Variants in ARAP2 observed in about 807,000 individuals in gnomAD.
ARAP2 encodes the protein ArfGAP with RhoGAP domain, ankyrin repeat and PH domain 2, also known as arf-GAP with Rho-GAP domain, ANK repeat and PH domain-containing protein 2.
ARAP2 carries 148 observed loss-of-function variants against 194.5 expected under a neutral mutation model. The observed-to-expected ratio is 0.76, with a 90% CI of 0.67 to 0.87. The LOEUF is 0.87. Among genes scored for constraint, ARAP2 ranks in the 40% least tolerant of loss-of-function variants. The pLI, the probability that ARAP2 is intolerant of heterozygous loss-of-function variation, is 0.00. For synonymous variants in ARAP2, 695 were observed against 683.5 expected (o/e 1.02, Z -0.26); for missense variants, 2,128 against 1,989.7 (o/e 1.07, Z -1.32).
rs539495787 is a variant in ARAP2 at position 36,107,649 on chromosome 4, G to A, written c.4201C>T (p.Arg1401Trp). The A allele has an allele frequency of 1.2e-4, 193 of 1,610,462 alleles. No individual in the cohort carries two copies. Among genetic ancestry groups the A allele is most frequent in the Non-Finnish European group, 1.5e-4 (176 of 1,177,844 alleles). The change falls in exon 27 of 33, where the codon CGG becomes TGG. Residue 1401 changes from arginine (R) to tryptophan (W), a missense_variant. Coordinates refer to ENST00000303965, the MANE Select transcript of ARAP2 (RefSeq NM_015230.4). ...CCAGGTTCAGCTAATGAACTCCACC[G>A]AAGCACCTGCTCCAGTACATTTTCC... ...YKENVLEQVL[R>W]WSSLAEPGSA...
chr4:36,197,153 T>A (rs959808994), intron 6 of ARAP2, among the ~76,000 whole-genome samples: 1 of 152,010 alleles, frequency 6.6e-6, no homozygotes, highest in Admixed American at 6.6e-5. Context: ...ATTGACATAC[T>A]TATGGGGTAA....
intron 29 of ARAP2, 128 bp from the exon 30 acceptor site, chr4:36,082,414 T>C (rs1729792312): frequency 1.1e-5 from 10 of 922,312 alleles, no homozygotes; most frequent in South Asian, 1.7e-5. Context: ...CAAGTGGTGA[T>C]TCAATGTGTT....
intron 25 of ARAP2, among the ~76,000 whole-genome samples, chr4:36,116,133 A>T (rs1432229011): frequency 2.0e-5 from 3 of 151,964 alleles, no homozygotes; most frequent in African/African-American, 7.2e-5. Context: ...CAAATGCCTC[A>T]TAAAGACAAA....
At chr4:36,050,484 G>T (rs1722487127) in intron 3 of ARAP2, among the ~76,000 whole-genome samples, 1 of 152,160 alleles carries the variant, frequency 6.6e-6, no homozygotes, top group Non-Finnish European at 1.5e-5. Flanking sequence ...AGAACAGAAG[G>T]ATTTTCATGT....
intron 5 of ARAP2, among the ~76,000 whole-genome samples, chr4:36,041,314 A>C (rs1720834218): frequency 6.6e-6 from 1 of 152,202 alleles, no homozygotes; most frequent in Non-Finnish European, 1.5e-5. Flanking sequence ...ATCAATAAAA[A>C]GCTTAAACAA....
intron 8 of ARAP2, among the ~76,000 whole-genome samples, chr4:36,183,285 A>T (rs904220214): frequency 1.1e-4 from 5 of 45,848 alleles, no homozygotes; most frequent in East Asian, 1.4e-3. Context: ...TCTTTTTAAA[A>T]TTTTTTTTAA....
At chr4:36,033,859 T>C (rs927025790) in intron 5 of ARAP2, among the ~76,000 whole-genome samples, 1 of 152,188 alleles carries the variant, frequency 6.6e-6, no homozygotes, top group Admixed American at 6.6e-5. Flanking sequence ...TTCAATCTTC[T>C]GCATATGGCT....
intron 19 of ARAP2, among the ~76,000 whole-genome samples, chr4:36,139,324 A>C (rs1318958051): frequency 6.6e-6 from 1 of 151,462 alleles, no homozygotes; most frequent in African/African-American, 2.4e-5. Flanking sequence ...GTTGGTCGTA[A>C]TATTTTCTTA....
At chr4:36,073,566 G>T in intron 32 of ARAP2, 123 bp downstream of exon 32, 1 of 1,129,580 alleles carries the variant, frequency 8.9e-7, no homozygotes, top group Non-Finnish European at 1.2e-6. Context: ...TTATTACCAT[G>T]CTTTACAAAG....
intron 28 of ARAP2, among the ~76,000 whole-genome samples, chr4:36,089,534 A>AT (rs1412493154): frequency 1.3e-5 from 2 of 152,066 alleles, no homozygotes; most frequent in Admixed American, 1.3e-4. Context: ...TGATTGTGTG[A>AT]TTTTACCCTT....
intron 27 of ARAP2, among the ~76,000 whole-genome samples, chr4:36,093,140 T>C (rs1476040107): frequency 6.6e-6 from 1 of 151,788 alleles, no homozygotes; most frequent in African/African-American, 2.4e-5. Flanking sequence ...CACTTATAAG[T>C]AGGAGCTAAA....
intron 10 of ARAP2, among the ~76,000 whole-genome samples, chr4:36,166,145 A>G (rs1735234472): frequency 6.6e-6 from 1 of 152,138 alleles, no homozygotes; most frequent in Non-Finnish European, 1.5e-5. Flanking sequence ...GTATTTTGAC[A>G]TGCAAAATGA....
intron 5 of ARAP2, among the ~76,000 whole-genome samples, chr4:36,032,520 T>C (rs1423871272): frequency 6.6e-6 from 1 of 152,188 alleles, no homozygotes; most frequent in Non-Finnish European, 1.5e-5. Flanking sequence ...CAAGCAAGAA[T>C]AGAAGAGAGT....
intron 5 of ARAP2, among the ~76,000 whole-genome samples, chr4:36,041,953 A>T (rs1332375327): frequency 2.0e-5 from 3 of 152,224 alleles, no homozygotes; most frequent in African/African-American, 7.2e-5. Context: ...GTTCTCACTT[A>T]TAAGTAGGAT....
chr4:36,138,647 A>C (rs886513975), intron 19 of ARAP2, among the ~76,000 whole-genome samples: 1 of 151,698 alleles, frequency 6.6e-6, no homozygotes, highest in Non-Finnish European at 1.5e-5. Flanking sequence ...ACTTTATATC[A>C]TAAATAAAGC....
At chr4:36,155,686 G>A (rs185840196) in intron 15 of ARAP2, among the ~76,000 whole-genome samples, 81 of 148,910 alleles carry the variant, frequency 5.4e-4, no homozygotes, top group African/African-American at 1.9e-3. Context: ...TTTTTAGACC[G>A]AGTCTCGCTG....
At chr4:36,185,140 C>G (rs1373821951) in intron 8 of ARAP2, among the ~76,000 whole-genome samples, 1 of 152,164 alleles carries the variant, frequency 6.6e-6, no homozygotes, top group Admixed American at 6.5e-5. Context: ...GAATGAATGA[C>G]AATGGTTGTT....
chr4:36,228,786 T>C lies in ARAP2; in HGVS notation c.701A>G (p.Asn234Ser), dbSNP rs112151019. The change falls in exon 2 of 33, where the codon AAT becomes AGT. Residue 234 changes from asparagine to serine, a missense_variant. Asn to Ser is a conservative substitution (Grantham distance 46). Coordinates refer to ENST00000303965, the MANE Select transcript of ARAP2 (RefSeq NM_015230.4). ...TSGTNSGNGTNGLLEGSPPSP... is the reference protein window; with the variant it reads ...TSGTNSGNGTSGLLEGSPPSP... The stretch of plus-strand genomic sequence containing the variant: ...TGGTGGTGATCCTTCTAATAAACCA[T>C]TTGTTCCATTTCCAGAATTTGTTCC... The C allele has an allele frequency of 6.2e-7, 1 of 1,614,112 alleles. No individual in the cohort carries two copies.
chr4:36,188,186 AAGAC>A (rs1741001204), intron 7 of ARAP2, among the ~76,000 whole-genome samples: 5 of 152,206 alleles, frequency 3.3e-5, no homozygotes, highest in Non-Finnish European at 5.9e-5. Context: ...GGTCATTCTT[AAGAC>A]TTCGATAACT....
Sources: allele counts gnomAD v4.1 joint callset (sites outside exome capture counted in the v4.1 genomes callset), GRCh38; gene constraint gnomAD v4.1.1; transcripts MANE v1.5; gene names NCBI Gene and HGNC (gene_info 2026-07-23, HGNC 2026-07-21).